MANBA: variants seen among roughly 807,000 people sequenced by gnomAD.
MANBA encodes mannosidase beta.
MANBA carries 83 observed loss-of-function variants against 111.1 expected under a neutral mutation model. That is an observed-to-expected ratio of 0.75 (90% CI 0.63 to 0.90). MANBA has a LOEUF of 0.90. Among genes scored for constraint, MANBA ranks in the 40% least tolerant of loss-of-function variants. The probability of loss-of-function intolerance (pLI) is 0.00; values close to 1 mark genes in which losing one functional copy is unlikely to be tolerated. For missense variants in MANBA, 1,036 were observed against 1,069.0 expected, an observed-to-expected ratio of 0.97 and a Z score of 0.43; for synonymous variants, 370 against 378.7, an observed-to-expected ratio of 0.98 and a Z score of 0.27.
chr4:102,728,196 G>T, intron 1 of MANBA: 1 of 538,328 alleles, frequency 1.9e-6, no homozygotes, highest in South Asian at 1.4e-5. Flanking sequence ...GGCTGTTCCA[G>T]CTCCCTTGGG....
At chr4:102,734,261 A>G (rs1723128960) in intron 1 of MANBA, 3 of 1,247,932 alleles carry the variant, frequency 2.4e-6, no homozygotes, top group East Asian at 5.1e-5. Context: ...GTAAACCTAC[A>G]AAGTCTACTC....
chr4:102,650,886 A>G (rs920446943), intron 12 of MANBA, 185 bp from the exon 13 acceptor site: 7 of 586,816 alleles, frequency 1.2e-5, no homozygotes, highest in Non-Finnish European at 2.1e-5. Context: ...AGCCTTGTGG[A>G]AACTGGAATC....
chr4:102,641,440 G>A (rs1729874868), intron 13 of MANBA, among the ~76,000 whole-genome samples: 1 of 152,200 alleles, frequency 6.6e-6, no homozygotes, highest in Non-Finnish European at 1.5e-5. Context: ...AGATGACTGA[G>A]ACTACTGAAG....
chr4:102,727,855 T>A (rs752238094), intron 1 of MANBA: 3 of 588,558 alleles, frequency 5.1e-6, no homozygotes, highest in Admixed American at 5.0e-5. Flanking sequence ...TCAGGTCTCC[T>A]AAAGATGAAA....
intron 12 of MANBA, among the ~76,000 whole-genome samples, chr4:102,656,491 G>C (rs1435211037): frequency 1.3e-5 from 2 of 152,114 alleles, no homozygotes. Context: ...ATGCAAAATG[G>C]TGCAATCACT....
At chr4:102,727,064 A>C (rs1398986725) in intron 1 of MANBA, among the ~76,000 whole-genome samples, 3 of 152,232 alleles carry the variant, frequency 2.0e-5, no homozygotes, top group African/African-American at 4.8e-5. Context: ...GGCATGAGCC[A>C]TCATGTCCGG....
intron 11 of MANBA, among the ~76,000 whole-genome samples, chr4:102,663,693 A>C (rs1731071644): frequency 6.6e-6 from 1 of 152,252 alleles, no homozygotes. Context: ...TGCCTTTTCA[A>C]ATTGCTTCTG....
In MANBA at chr4:102,758,863, C is replaced by T. The variant is rs72937872; in HGVS notation, c.177+1855G>A. ...AACAGGCCTTGTGTTTCCTAAGCCC[C>T]AAAAGCCTTCCCATTTCTCATTCCA... On this transcript the variant is annotated intron_variant, in intron 1 of 16. Coordinates refer to ENST00000647097, the MANE Select transcript of MANBA (RefSeq NM_005908.4). 4.7e-3 allele frequency among the ~76,000 whole-genome samples: 715 copies of T among 152,208 alleles called. 4 individuals carry two copies. The highest frequency in any genetic ancestry group is 0.016 in the African/African-American group (685 of 41,530).
intron 16 of MANBA, among the ~76,000 whole-genome samples, chr4:102,634,089 A>G (rs1729506110): frequency 6.6e-6 from 1 of 152,252 alleles, no homozygotes; most frequent in African/African-American, 2.4e-5. Context: ...AATTAAAAAC[A>G]TATATGTGTA....
intron 13 of MANBA, among the ~76,000 whole-genome samples, chr4:102,646,287 T>A (rs192003648): frequency 6.6e-6 from 1 of 152,228 alleles, no homozygotes; most frequent in East Asian, 1.9e-4. Context: ...TTGCCCACCC[T>A]ACTCTCATCT....
chr4:102,686,229 T>C (rs1403382091), intron 7 of MANBA, among the ~76,000 whole-genome samples: 2 of 151,954 alleles, frequency 1.3e-5, no homozygotes, highest in African/African-American at 4.8e-5. Flanking sequence ...CACATACACA[T>C]GCATTTACAA....
At chr4:102,735,899 C>T (rs1723199540) in intron 1 of MANBA, among the ~76,000 whole-genome samples, 1 of 152,162 alleles carries the variant, frequency 6.6e-6, no homozygotes, top group South Asian at 2.1e-4. Flanking sequence ...TGAGGTGCCA[C>T]AACTAAGCAG....
chr4:102,728,306 CTT>C, intron 1 of MANBA: 1 of 535,292 alleles, frequency 1.9e-6, no homozygotes, highest in Non-Finnish European at 3.8e-6. Flanking sequence ...TTTGAAGTGA[CTT>C]TTCTGGATGC....
At chr4:102,712,889 A>G (rs973665910) in intron 5 of MANBA, among the ~76,000 whole-genome samples, 4 of 152,154 alleles carry the variant, frequency 2.6e-5, no homozygotes, top group South Asian at 2.1e-4. Flanking sequence ...GGGTGGTAGC[A>G]TGGGATGAAG....
intron 1 of MANBA, chr4:102,730,651 AG>A: frequency 1.8e-6 from 1 of 540,734 alleles, no homozygotes; most frequent in South Asian, 1.4e-5. Context: ...CTCAGTAGTC[AG>A]CTCAGTGCTC....
At chr4:102,638,820 C>T (rs1011783114) in intron 14 of MANBA, among the ~76,000 whole-genome samples, 1 of 152,102 alleles carries the variant, frequency 6.6e-6, no homozygotes, top group African/African-American at 2.4e-5. Context: ...CTAATGAAAA[C>T]ATGTTTGGAA....
chr4:102,703,909 C>T (rs1733176628), intron 5 of MANBA, among the ~76,000 whole-genome samples: 1 of 152,126 alleles, frequency 6.6e-6, no homozygotes. Context: ...TCCCCACTAA[C>T]ACAGTGAAAC....
intron 5 of MANBA, among the ~76,000 whole-genome samples, chr4:102,713,656 C>T (rs1462314792): frequency 6.6e-6 from 1 of 152,144 alleles, no homozygotes; most frequent in Non-Finnish European, 1.5e-5. Context: ...AATCCCAGCA[C>T]TTTGGGAGGC....
chr4:102,685,482 C>T (rs1040226323), intron 7 of MANBA, among the ~76,000 whole-genome samples: 2 of 150,370 alleles, frequency 1.3e-5, no homozygotes, highest in African/African-American at 5.0e-5. Flanking sequence ...TGCATCCTTT[C>T]CTCCCATGTG....
Sources: allele counts gnomAD v4.1 joint callset (sites outside exome capture counted in the v4.1 genomes callset), GRCh38; gene constraint gnomAD v4.1.1; transcripts MANE v1.5; gene names NCBI Gene and HGNC (gene_info 2026-07-23, HGNC 2026-07-21).